Variants in NLK observed in about 807,000 individuals in gnomAD.
NLK encodes the protein serine/threonine-protein kinase NLK.
Under a neutral mutation model 59.0 loss-of-function variants are expected in NLK, and 11 were observed. The observed-to-expected ratio is 0.19, with a 90% CI of 0.12 to 0.31. The LOEUF (loss-of-function observed/expected upper bound fraction) is 0.31. Ranked by LOEUF, NLK falls within the 10% of genes least tolerant of loss-of-function variation. The pLI is 1.00. For missense variants in NLK, 410 were observed against 661.1 expected (o/e 0.62, Z 4.16); for synonymous variants, 235 against 235.9 (o/e 1.00, Z 0.03).
rs1204754919 is a variant in NLK at position 28,195,902 on chromosome 17, A to G, written c.*1266A>G. 1 of 152,484 alleles carries G rather than the reference A, an allele frequency of 6.6e-6. No homozygotes were observed. Among genetic ancestry groups the G allele is most frequent in the Non-Finnish European group, 1.5e-5 (1 of 68,002 alleles). 9.4% of individuals were successfully genotyped at this position (152,484 alleles called of 1,614,324 possible). A position where few individuals can be genotyped will look rare whatever the true frequency, so the allele number is the denominator to read the frequency against. ...TAAAAAGACAAGAAAATTGAAGATC[A>G]TTTTTCACCTGTACAAGGAATACTA... On this transcript the variant is annotated 3_prime_UTR_variant, in exon 11 of 11. Transcript: ENST00000407008.
At chr17:28,147,183 T>C (rs1907291519) in intron 3 of NLK, among the ~76,000 whole-genome samples, 1 of 152,144 alleles carries the variant, frequency 6.6e-6, no homozygotes, top group South Asian at 2.1e-4. Context: ...TAGTACCCAG[T>C]CAGTGTTTAT....
chr17:28,042,860 G>A lies in NLK; in HGVS notation c.-14G>A, dbSNP rs1328487655. On this transcript the variant is annotated 5_prime_UTR_variant, in exon 1 of 11. Coordinates refer to ENST00000407008, the MANE Select transcript of NLK (RefSeq NM_016231.5). ...GACCCAGTTTGCTTTCCAATCAAAG[G>A]GCATTTATTTTGAATGTCTCTTTGT... The A allele has an allele frequency of 5.4e-6, 8 of 1,478,670 alleles. No homozygotes were observed. The highest frequency in any genetic ancestry group is 7.2e-6 in the Non-Finnish European group (8 of 1,107,264). The allele number at this position is 1,478,670 out of a possible 1,614,324, so 91.6% of individuals were successfully genotyped here.
At chr17:28,115,266 C>G (rs1358689646) in intron 1 of NLK, among the ~76,000 whole-genome samples, 1 of 152,204 alleles carries the variant, frequency 6.6e-6, no homozygotes, top group Admixed American at 6.5e-5. Context: ...TCTCTCTCTA[C>G]AACATTCTGT....
At chr17:28,172,794 C>T (rs561714860) in intron 7 of NLK, among the ~76,000 whole-genome samples, 176 bp downstream of exon 7, 2 of 152,144 alleles carry the variant, frequency 1.3e-5, no homozygotes, top group African/African-American at 4.8e-5. Context: ...AATAAAATCT[C>T]ATTCCTAATG....
chr17:28,192,600 A>G (rs751244724), intron 10 of NLK, among the ~76,000 whole-genome samples: 14 of 152,052 alleles, frequency 9.2e-5, no homozygotes, highest in Non-Finnish European at 8.8e-5. Flanking sequence ...CCCGGGAGGC[A>G]GAGGTTGCGG....
chr17:28,162,418 A>C (rs988108878), intron 4 of NLK, among the ~76,000 whole-genome samples: 3 of 152,086 alleles, frequency 2.0e-5, no homozygotes, highest in Non-Finnish European at 4.4e-5. Context: ...AGATCATCTG[A>C]GGTCAGGAAT....
intron 1 of NLK, among the ~76,000 whole-genome samples, chr17:28,101,526 T>G (rs566450045): frequency 3.3e-4 from 50 of 152,328 alleles, no homozygotes; most frequent in East Asian, 7.7e-4. Flanking sequence ...AGTATTTTTT[T>G]TGTGTGTGCT....
At chr17:28,108,407 TAAA>T (rs1385420325) in intron 1 of NLK, among the ~76,000 whole-genome samples, 1 of 151,704 alleles carries the variant, frequency 6.6e-6, no homozygotes, top group Non-Finnish European at 1.5e-5. Context: ...ATATAAAAAT[TAAA>T]AAAAACAAGG....
intron 6 of NLK, 89 bp from the exon 7 acceptor site, chr17:28,172,428 T>G (rs534391090): frequency 2.8e-6 from 2 of 723,278 alleles, no homozygotes; most frequent in South Asian, 8.8e-5. Flanking sequence ...TCCCCCAGAT[T>G]TGGTCCACTT....
At chr17:28,155,121 G>A (rs919649970) in intron 3 of NLK, among the ~76,000 whole-genome samples, 9 of 152,224 alleles carry the variant, frequency 5.9e-5, no homozygotes, top group Non-Finnish European at 8.8e-5. Flanking sequence ...ATAGCCACAC[G>A]TTAGAACACT....
chr17:28,102,886 A>G (rs1003584454), intron 1 of NLK, among the ~76,000 whole-genome samples: 1 of 152,098 alleles, frequency 6.6e-6, no homozygotes, highest in East Asian at 1.9e-4. Context: ...TCCTCTTTAT[A>G]TATGTAGTAC....
rs1567698102 is a variant in NLK, at chr17:28,045,630, A to G, written c.458+2299A>G. On this transcript the variant is annotated intron_variant, in intron 1 of 10. Transcript: ENST00000407008. ...TTCCAGGTGTATGTTTTAGTATGCA[A>G]ATGCTTTTCTATTTTTATATTTACA... Among the ~76,000 whole-genome samples the G allele has an allele frequency of 2.0e-5, 3 of 152,196 alleles. No individual in the cohort carries two copies. In the South Asian group the frequency reaches 6.2e-4, roughly 32 times the overall value.
At position 28,120,258 on chromosome 17, in the gene NLK, G is replaced by A. The variant is rs113949465; in HGVS notation, c.459-2345G>A. Among the ~76,000 whole-genome samples, 24 of 128,320 alleles carry A rather than the reference G, an allele frequency of 1.9e-4. No homozygotes were observed. The South Asian group carries it at 2.1e-3, about 11-fold the overall frequency. 84.2% of individuals were successfully genotyped at this position (128,320 alleles called of 152,430 possible). Reference sequence around the variant, plus strand: ...GGGGTGTGTGTGTGTGTGTGTGTGTGTGTGTGTGTGTGTGTATGTGTGTGT... The same window carrying A: ...GGGGTGTGTGTGTGTGTGTGTGTGTATGTGTGTGTGTGTGTATGTGTGTGT... On this transcript the variant is annotated intron_variant, in intron 1 of 10. Transcript: ENST00000407008.
chr17:28,107,089 T>C (rs1247881575), intron 1 of NLK, among the ~76,000 whole-genome samples: 2 of 152,158 alleles, frequency 1.3e-5, no homozygotes, highest in Non-Finnish European at 2.9e-5. Flanking sequence ...ACAAGAAAAT[T>C]GGATGGAATC....
chr17:28,139,070 A>C (rs1333759368), intron 3 of NLK, among the ~76,000 whole-genome samples: 2 of 152,234 alleles, frequency 1.3e-5, no homozygotes, highest in African/African-American at 4.8e-5. Context: ...TGTCTGGCCA[A>C]CATGGCGAAA....
Position 28,085,720 on chromosome 17 carries a change from G to T in NLK, c.459-36883G>T, listed in dbSNP as rs535826930. Among the ~76,000 whole-genome samples, 159 of 152,254 alleles carry T rather than the reference G, an allele frequency of 1.0e-3. 1 individual carries two copies. The highest frequency in any genetic ancestry group is 3.7e-3 in the African/African-American group (155 of 41,528). On this transcript the variant is annotated intron_variant, in intron 1 of 10. Coordinates refer to ENST00000407008, the MANE Select transcript of NLK (RefSeq NM_016231.5). ...GGTGCCACTGCACTCCAGCCTGGAT[G>T]ACAGAGCAAGACCCAGTCTCAAGAA...
At chr17:28,095,925 A>G (rs1702564320) in intron 1 of NLK, among the ~76,000 whole-genome samples, 1 of 151,926 alleles carries the variant, frequency 6.6e-6, no homozygotes, top group African/African-American at 2.4e-5. Context: ...TGTGTGTTCT[A>G]ACTGTTGCAC....
chr17:28,149,652 A>G (rs1457325956), intron 3 of NLK, among the ~76,000 whole-genome samples: 1 of 152,176 alleles, frequency 6.6e-6, no homozygotes, highest in Non-Finnish European at 1.5e-5. Flanking sequence ...TGGCTTATTC[A>G]ATTGAAAATC....
At chr17:28,169,164 G>C (rs937302508) in intron 6 of NLK, among the ~76,000 whole-genome samples, 1 of 152,200 alleles carries the variant, frequency 6.6e-6, no homozygotes, top group African/African-American at 2.4e-5. Flanking sequence ...GGGATTACAG[G>C]CATGAGCCAC....
Sources: gnomAD v4.1 joint callset for allele counts (sites outside exome capture counted in the v4.1 genomes callset) on GRCh38, gnomAD v4.1.1 for gene constraint, MANE v1.5 for transcripts, NCBI Gene and HGNC (gene_info 2026-07-23, HGNC 2026-07-21) for gene names.